Variants in NCKAP5 observed in about 807,000 individuals in gnomAD.
NCKAP5 encodes NCK associated protein 5.
Under a neutral mutation model 167.0 loss-of-function variants are expected in NCKAP5, and 92 were observed. The ratio of observed to expected loss-of-function variants is 0.55; its 90% CI spans 0.47 to 0.66. The LOEUF (loss-of-function observed/expected upper bound fraction) is 0.66. NCKAP5 is among the 30% of genes least tolerant of loss of function. NCKAP5 has a pLI of 0.00. For missense variants in NCKAP5, 2,378 were observed against 2,315.0 expected, an observed-to-expected ratio of 1.03 and a Z score of -0.56; for synonymous variants, 891 against 877.4, an observed-to-expected ratio of 1.02 and a Z score of -0.27.
chr2:133,588,023 G>C, the NCKAP5 span, among the ~76,000 whole-genome samples: 3 of 151,730 alleles, frequency 2.0e-5, no homozygotes, highest in African/African-American at 4.8e-5. Flanking sequence ...TGTTAAAATA[G>C]AATAAAAAGG....
intron 1 of NCKAP5, among the ~76,000 whole-genome samples, chr2:133,563,536 T>C (rs900985755): frequency 5.3e-5 from 6 of 112,622 alleles, no homozygotes; most frequent in Non-Finnish European, 6.5e-5. Context: ...GCCACTGCAC[T>C]CCAGCCTGGT....
At chr2:132,964,998 G>A (rs2076618904) in intron 7 of NCKAP5, among the ~76,000 whole-genome samples, 1 of 152,060 alleles carries the variant, frequency 6.6e-6, no homozygotes, top group African/African-American at 2.4e-5. Context: ...GTAAAAATAT[G>A]TCTTAATGTA....
At chr2:133,613,788 C>T in the NCKAP5 span, among the ~76,000 whole-genome samples, 3 of 152,200 alleles carry the variant, frequency 2.0e-5, no homozygotes, top group African/African-American at 7.2e-5. Flanking sequence ...ATGGGAATGG[C>T]GCTCTTCCCA....
intron 16 of NCKAP5, among the ~76,000 whole-genome samples, chr2:132,770,706 A>G (rs369736218): frequency 1.7e-4 from 26 of 152,256 alleles, no homozygotes; most frequent in African/African-American, 6.0e-4. Flanking sequence ...TAAAGAACAC[A>G]TATGTTTGTG....
At chr2:133,473,095 A>G (rs893311432) in intron 3 of NCKAP5, among the ~76,000 whole-genome samples, 2 of 152,154 alleles carry the variant, frequency 1.3e-5, no homozygotes, top group Admixed American at 6.5e-5. Context: ...GCACTTTGGG[A>G]GGCCAAGGCG....
chr2:133,553,603 G>T (rs561965908), intron 2 of NCKAP5, among the ~76,000 whole-genome samples: 1 of 152,300 alleles, frequency 6.6e-6, no homozygotes, highest in South Asian at 2.1e-4. Flanking sequence ...CCCAGTAGAA[G>T]TGTGGGCTAG....
At chr2:132,751,127 G>A (rs1209319756) in intron 16 of NCKAP5, among the ~76,000 whole-genome samples, 1 of 152,076 alleles carries the variant, frequency 6.6e-6, no homozygotes, top group Non-Finnish European at 1.5e-5. Flanking sequence ...CTTGGTGGGA[G>A]GCGTTTGGAT....
chr2:133,184,882 T>G (rs1459877319), intron 5 of NCKAP5, among the ~76,000 whole-genome samples: 1 of 152,188 alleles, frequency 6.6e-6, no homozygotes, highest in Non-Finnish European at 1.5e-5. Context: ...GTCAGATGCA[T>G]AGTTTGCAAA....
At position 132,962,612 on chromosome 2, in the gene NCKAP5, TG is replaced by T. The variant is rs546453972; in HGVS notation, c.579+1107del. Among the ~76,000 whole-genome samples the T allele has an allele frequency of 1.3e-4, 20 of 152,196 alleles. No individual in the cohort carries two copies. The South Asian group carries it at 2.1e-3, about 16-fold the overall frequency. ...TTGTTTTTTTGTTTGTTTGTTTGTTTGTTTTTTTGAGTCTGTCACCCAGGCT... is the reference window on the plus strand; with the variant it reads ...TTGTTTTTTTGTTTGTTTGTTTGTTTTTTTTTTGAGTCTGTCACCCAGGCT... On this transcript the variant is annotated intron_variant, in intron 8 of 19. Transcript: ENST00000409261.
At chr2:133,283,586 T>C (rs1356013537) in intron 4 of NCKAP5, among the ~76,000 whole-genome samples, 2 of 151,918 alleles carry the variant, frequency 1.3e-5, no homozygotes, top group Non-Finnish European at 2.9e-5. Context: ...ACAAAACAAA[T>C]TCAAAAGATA....
intron 6 of NCKAP5, among the ~76,000 whole-genome samples, chr2:133,088,032 A>G (rs943065967): frequency 2.0e-5 from 3 of 152,176 alleles, no homozygotes; most frequent in Non-Finnish European, 2.9e-5. Flanking sequence ...ATTTTCCCTC[A>G]CCATAACCTC....
At position 133,491,032 on chromosome 2, in the gene NCKAP5, G is replaced by C. The variant is rs1360593349; in HGVS notation, c.69+26426C>G. Among the ~76,000 whole-genome samples, 8 of 152,326 alleles carry C rather than the reference G, an allele frequency of 5.3e-5. No homozygotes were observed. The South Asian group carries it at 1.7e-3, about 32-fold the overall frequency. The stretch of plus-strand genomic sequence containing the variant: ...AAGCTGTGGAAACAGGAGAAGAAAA[G>C]AATTTGGATGTAAGAGACAGAGAAG... On this transcript the variant is annotated intron_variant, in intron 3 of 19. Transcript: ENST00000409261.
At chr2:133,138,958 C>T (rs551872693) in intron 5 of NCKAP5, among the ~76,000 whole-genome samples, 52 of 152,168 alleles carry the variant, frequency 3.4e-4, no homozygotes, top group Non-Finnish European at 5.7e-4. Flanking sequence ...CCACCTGGAA[C>T]TCACACCTGT....
rs567562978 is a variant in NCKAP5, at chr2:132,741,857, C to T, written c.5129-9806G>A. On this transcript the variant is annotated intron_variant, in intron 16 of 19. Coordinates refer to ENST00000409261, the MANE Select transcript of NCKAP5 (RefSeq NM_207363.3). ...TTACTCTATGCTCAACCTTTTTCCC[C>T]CAATCTAATTACAATTTAGCTATCT... 9.2e-5 allele frequency among the ~76,000 whole-genome samples: 14 copies of T among 152,028 alleles called. No homozygotes were observed. The South Asian group carries it at 1.0e-3, about 11-fold the overall frequency.
intron 13 of NCKAP5, among the ~76,000 whole-genome samples, chr2:132,787,384 T>C (rs1209292893): frequency 6.7e-6 from 1 of 149,038 alleles, no homozygotes; most frequent in Non-Finnish European, 1.5e-5. Context: ...TGATTAATGG[T>C]AAAGAGCTTC....
intron 19 of NCKAP5, among the ~76,000 whole-genome samples, chr2:132,695,689 T>G (rs1687238330): frequency 6.6e-6 from 1 of 152,170 alleles, no homozygotes. Context: ...CCTTATAATG[T>G]AAAATTGTGC....
At chr2:133,384,435 T>TGC (rs935591531) in intron 3 of NCKAP5, among the ~76,000 whole-genome samples, 19 of 152,224 alleles carry the variant, frequency 1.2e-4, no homozygotes, top group Admixed American at 2.6e-4. Flanking sequence ...TTGGTACCAG[T>TGC]GCCATGCTGT....
chr2:132,828,442 C>T (rs145587665), intron 11 of NCKAP5, among the ~76,000 whole-genome samples: 134 of 152,208 alleles, frequency 8.8e-4, no homozygotes, highest in African/African-American at 3.0e-3. Context: ...CCTCCCCCTT[C>T]TCTCTCTTGC....
chr2:133,515,028 T>C (rs996497464), intron 3 of NCKAP5, among the ~76,000 whole-genome samples: 2 of 152,210 alleles, frequency 1.3e-5, no homozygotes, highest in Non-Finnish European at 2.9e-5. Flanking sequence ...AGCCCTTATC[T>C]AGAATCTTCC....
Sources: allele counts gnomAD v4.1 joint callset (sites outside exome capture counted in the v4.1 genomes callset), GRCh38; gene constraint gnomAD v4.1.1; transcripts MANE v1.5; gene names NCBI Gene and HGNC (gene_info 2026-07-23, HGNC 2026-07-21).